Variants in AKAP13 observed in about 807,000 individuals in gnomAD.
The protein encoded by AKAP13 is A-kinase anchoring protein 13, also known as A-kinase anchor protein 13.
A neutral mutation model predicts 264.5 loss-of-function variants in AKAP13; 80 were observed. That is an observed-to-expected ratio of 0.30 (90% confidence interval 0.25 to 0.36). The LOEUF is 0.36. AKAP13 is among the 10% of genes least tolerant of loss of function. The pLI, the probability that AKAP13 is intolerant of heterozygous loss-of-function variation, is 1.00. For missense variants in AKAP13, 3,712 were observed against 3,435.2 expected, an observed-to-expected ratio of 1.08 and a Z score of -2.01; for synonymous variants, 1,380 against 1,250.2, an observed-to-expected ratio of 1.10 and a Z score of -2.19.
At chr15:85,744,517 A>C in intron 36 of AKAP13, 111 bp from the exon 37 acceptor site, 1 of 1,183,184 alleles carries the variant, frequency 8.5e-7, no homozygotes, top group Non-Finnish European at 1.3e-6. Flanking sequence ...TTAATTGCCC[A>C]TAAGCCCCAG....
intron 14 of AKAP13, among the ~76,000 whole-genome samples, chr15:85,674,039 A>G (rs950833887): frequency 2.0e-5 from 3 of 151,720 alleles, no homozygotes; most frequent in Admixed American, 2.0e-4. Context: ...CATTGCTCCC[A>G]CCCAGAAGAT....
At chr15:85,740,007 C>T (rs1310048494) in intron 33 of AKAP13, among the ~76,000 whole-genome samples, 2 of 152,168 alleles carry the variant, frequency 1.3e-5, no homozygotes, top group African/African-American at 4.8e-5. Context: ...GCTGATGTTC[C>T]TCCTATACAT....
At chr15:85,551,251 G>T (rs1596500930) in intron 5 of AKAP13, among the ~76,000 whole-genome samples, 1 of 152,120 alleles carries the variant, frequency 6.6e-6, no homozygotes, top group East Asian at 1.9e-4. Context: ...GTAATCTCAG[G>T]ATTGCCTATC....
intron 2 of AKAP13, among the ~76,000 whole-genome samples, chr15:85,491,645 A>G (rs1303933040): frequency 6.6e-6 from 1 of 151,450 alleles, no homozygotes; most frequent in Non-Finnish European, 1.5e-5. Context: ...TTGGGAGGAA[A>G]AAAACTATTT....
chr15:85,498,363 G>A (rs187894378), intron 2 of AKAP13, among the ~76,000 whole-genome samples: 108 of 152,018 alleles, frequency 7.1e-4, no homozygotes, highest in African/African-American at 2.4e-3. Flanking sequence ...AAATACTTGC[G>A]CTGAGAGCTC....
chr15:85,658,561 T>C lies in AKAP13; in HGVS notation c.4770T>C (p.Val1590=). 1 of 1,614,034 alleles carries C rather than the reference T, an allele frequency of 6.2e-7. No homozygotes were observed. The highest frequency in any genetic ancestry group is 8.5e-7 in the Non-Finnish European group (1 of 1,179,936). The change falls in exon 12 of 37, where the codon GTT becomes GTC. Residue 1590 remains valine, a synonymous_variant. Coordinates refer to ENST00000394518, the MANE Select transcript of AKAP13 (RefSeq NM_007200.5). ...HRSSMRVLGD[V]VRRPPIHRRS... ...GTTCAATGCGAGTTCTTGGGGATGT[T>C]GTCAGGAGACCTCCCATTCATAGGA...
At chr15:85,398,009 CAG>C (rs2071202762) in intron 1 of AKAP13, among the ~76,000 whole-genome samples, 1 of 152,180 alleles carries the variant, frequency 6.6e-6, no homozygotes, top group African/African-American at 2.4e-5. Context: ...GATGAGGAGA[CAG>C]AGGCCCAGAG....
chr15:85,611,599 C>A (rs895582523), intron 8 of AKAP13, among the ~76,000 whole-genome samples: 19 of 152,362 alleles, frequency 1.2e-4, no homozygotes, highest in African/African-American at 4.3e-4. Flanking sequence ...TCTGACTCAT[C>A]TGTCTCTAAG....
intron 2 of AKAP13, among the ~76,000 whole-genome samples, chr15:85,505,150 A>G (rs1384029491): frequency 1.3e-5 from 2 of 152,222 alleles, no homozygotes; most frequent in Non-Finnish European, 2.9e-5. Flanking sequence ...GGGACCATAC[A>G]TTAAATTATA....
At chr15:85,685,468 GTGTGTGTGTGTGTGTGTGTGTC>G (rs1218404297) in intron 16 of AKAP13, 3 of 147,412 alleles carry the variant, frequency 2.0e-5, no homozygotes, top group Admixed American at 6.9e-5. Context: ...AACCGTGTGT[GTGTGTGTGTGTGTGTGTGTGTC>G]TGTGTGTGTG....
chr15:85,660,258 C>T (rs1253812102), intron 12 of AKAP13, among the ~76,000 whole-genome samples: 3 of 141,970 alleles, frequency 2.1e-5, no homozygotes, highest in Non-Finnish European at 4.5e-5. Flanking sequence ...GAGGCTGAGG[C>T]AGGAGAATTG....
intron 8 of AKAP13, among the ~76,000 whole-genome samples, chr15:85,633,551 T>C (rs200232343): frequency 0.25 from 32,808 of 133,108 alleles, 4,811 homozygotes; most frequent in East Asian, 0.53. Context: ...TTTTTTTTTT[T>C]TTTTTTTTTT....
At chr15:85,567,942 G>GTA (rs1567129750) in intron 5 of AKAP13, among the ~76,000 whole-genome samples, 1 of 4,928 alleles carries the variant, frequency 2.0e-4, no homozygotes, top group Non-Finnish European at 4.5e-4. Context: ...GCCCAAAGAG[G>GTA]TGTGTGTGTG....
chr15:85,597,310 A>G (rs2079861759), intron 8 of AKAP13, among the ~76,000 whole-genome samples: 2 of 152,172 alleles, frequency 1.3e-5, no homozygotes, highest in African/African-American at 4.8e-5. Flanking sequence ...TGTGATGCCC[A>G]GGAGCCTCTC....
chr15:85,718,871 C>T lies in AKAP13; in HGVS notation c.6002-205C>T, dbSNP rs1014525756. ...GCCATGACTTCAGCCTGCACTTCAG[C>T]CTGGGTGACAGAGCCAGAACCTGTC... On this transcript the variant is annotated intron_variant, in intron 22 of 36. Coordinates refer to ENST00000394518, the MANE Select transcript of AKAP13 (RefSeq NM_007200.5). The surrounding 1 kb of genome is among the most constrained non-coding windows in gnomAD (Gnocchi z 4.9). The T allele has an allele frequency of 5.1e-6, 3 of 590,818 alleles. No homozygotes were observed. The highest frequency in any genetic ancestry group is 8.5e-6 in the Non-Finnish European group (3 of 354,976). The allele number at this position is 590,818 out of a possible 1,614,324, so 36.6% of individuals were successfully genotyped here. A position where few individuals can be genotyped will look rare whatever the true frequency, so the allele number is the denominator to read the frequency against.
Position 85,743,976 on chromosome 15 carries a change from A to G in AKAP13, c.8392+151A>G. The G allele has an allele frequency of 5.7e-6, 5 of 870,178 alleles. No homozygotes were observed. In the South Asian group the frequency reaches 9.2e-5, roughly 16 times the overall value. The allele number at this position is 870,178 out of a possible 1,614,324, so 53.9% of individuals were successfully genotyped here. ...ATCCTTTTCACCAGCTCCGCTTGCT[A>G]AGAGCACTCATGCAGCGAACATTAA... On this transcript the variant is annotated intron_variant, in intron 36 of 36. Coordinates refer to ENST00000394518, the MANE Select transcript of AKAP13 (RefSeq NM_007200.5).
intron 18 of AKAP13, among the ~76,000 whole-genome samples, chr15:85,709,224 A>C (rs1272024070): frequency 1.3e-5 from 2 of 152,034 alleles, no homozygotes; most frequent in African/African-American, 4.8e-5. Flanking sequence ...CAGCACTCCC[A>C]GTTTTTCCTT....
chr15:85,553,069 C>T lies in AKAP13; in HGVS notation c.662+9114C>T, dbSNP rs191841743. Among the ~76,000 whole-genome samples, 206 of 148,206 alleles carry T rather than the reference C, an allele frequency of 1.4e-3. 2 individuals are homozygous for T. Among genetic ancestry groups the T allele is most frequent in the African/African-American group, 4.9e-3 (198 of 40,286 alleles). On this transcript the variant is annotated intron_variant, in intron 5 of 36. Transcript: ENST00000394518. Reference sequence around the variant, plus strand: ...GTTAAATCTAGAGTTTTAATATAATCTAACATCTGTAATTCTTTTTTTTTT... The same window carrying T: ...GTTAAATCTAGAGTTTTAATATAATTTAACATCTGTAATTCTTTTTTTTTT...
intron 8 of AKAP13, among the ~76,000 whole-genome samples, chr15:85,616,558 G>GT (rs1187137348): frequency 1.3e-5 from 2 of 152,004 alleles, no homozygotes; most frequent in African/African-American, 4.8e-5. Context: ...AATTAATACT[G>GT]TAAGTAACTA....
Sources: allele counts gnomAD v4.1 joint callset (sites outside exome capture counted in the v4.1 genomes callset), GRCh38; gene constraint gnomAD v4.1.1; non-coding constraint Gnocchi (gnomAD v3.1); transcripts MANE v1.5; gene names NCBI Gene and HGNC (gene_info 2026-07-23, HGNC 2026-07-21).